The following CTNNA3 variants were observed in gnomAD, a reference collection of about 807,000 sequenced individuals.
CTNNA3 encodes catenin alpha 3.
A neutral mutation model predicts 95.7 loss-of-function variants in CTNNA3; 76 were observed. That is an observed-to-expected ratio of 0.79 (90% CI 0.66 to 0.96). The LOEUF is 0.96. Among genes scored for constraint, CTNNA3 ranks in the 40% least tolerant of loss-of-function variants. CTNNA3 has a pLI of 0.00. For synonymous variants in CTNNA3, 431 were observed against 374.4 expected, an observed-to-expected ratio of 1.15 and a Z score of -1.74; for missense variants, 1,191 against 1,089.8, an observed-to-expected ratio of 1.09 and a Z score of -1.31.
At chr10:66,471,291 A>G (rs1166670826) in intron 11 of CTNNA3, among the ~76,000 whole-genome samples, 2 of 151,844 alleles carry the variant, frequency 1.3e-5, no homozygotes, top group Non-Finnish European at 2.9e-5. Flanking sequence ...ATCAATGCAT[A>G]TCTAGTATTA....
At chr10:66,609,503 C>T (rs1211884856) in intron 10 of CTNNA3, among the ~76,000 whole-genome samples, 1 of 151,398 alleles carries the variant, frequency 6.6e-6, no homozygotes, top group Non-Finnish European at 1.5e-5. Context: ...ATGCAAAACG[C>T]TCAACATCAC....
At chr10:66,677,969 A>T (rs1362076282) in intron 9 of CTNNA3, among the ~76,000 whole-genome samples, 1 of 152,250 alleles carries the variant, frequency 6.6e-6, no homozygotes, top group Admixed American at 6.5e-5. Context: ...TATGTAAAAA[A>T]CAGATATCCC....
chr10:67,637,840 G>GC (rs551176923), intron 2 of CTNNA3, among the ~76,000 whole-genome samples: 20,202 of 152,082 alleles, frequency 0.13, 2,410 homozygotes, highest in African/African-American at 0.32. Context: ...CAACAGGCCT[G>GC]CCTAAAAGAG....
chr10:66,344,096 G>A (rs534901767), intron 12 of CTNNA3, among the ~76,000 whole-genome samples: 72 of 151,068 alleles, frequency 4.8e-4, no homozygotes, highest in Non-Finnish European at 9.3e-4. Context: ...ACGTGGTGGC[G>A]GTTGCCTGTA....
chr10:66,530,837 C>T (rs1841441177), intron 10 of CTNNA3, among the ~76,000 whole-genome samples: 8 of 152,116 alleles, frequency 5.3e-5, no homozygotes. Flanking sequence ...CCAAGCTATC[C>T]TATTCTAGGG....
At chr10:67,217,899 G>T (rs142239699) in intron 6 of CTNNA3, among the ~76,000 whole-genome samples, 1 of 152,160 alleles carries the variant, frequency 6.6e-6, no homozygotes, top group Non-Finnish European at 1.5e-5. Context: ...TGGCACTAGG[G>T]AAAAATTCAG....
intron 16 of CTNNA3, 64 bp from the exon 17 acceptor site, chr10:65,966,810 T>C (rs2077977492): frequency 7.6e-7 from 1 of 1,311,854 alleles, no homozygotes; most frequent in Admixed American, 1.8e-5. Flanking sequence ...TCAAGGTGAG[T>C]AAATACAGTA....
At chr10:66,411,917 C>T (rs767874733) in intron 11 of CTNNA3, among the ~76,000 whole-genome samples, 1 of 152,178 alleles carries the variant, frequency 6.6e-6, no homozygotes, top group African/African-American at 2.4e-5. Flanking sequence ...AATGACATTC[C>T]GAGGAGCTCT....
intron 11 of CTNNA3, among the ~76,000 whole-genome samples, chr10:66,408,833 T>G (rs2093077572): frequency 6.6e-6 from 1 of 152,236 alleles, no homozygotes; most frequent in African/African-American, 2.4e-5. Context: ...TACACTGGAA[T>G]GGAGAGATAT....
At chr10:66,278,614 T>A (rs952528307) in intron 13 of CTNNA3, among the ~76,000 whole-genome samples, 2 of 152,094 alleles carry the variant, frequency 1.3e-5, no homozygotes, top group Non-Finnish European at 2.9e-5. Flanking sequence ...TAAGCTATCT[T>A]GATAATGAGG....
intron 7 of CTNNA3, among the ~76,000 whole-genome samples, chr10:67,067,752 G>GTCATTCATTCATTATTTTAT (rs1856180504): frequency 1.3e-5 from 2 of 152,168 alleles, no homozygotes; most frequent in Non-Finnish European, 2.9e-5. Context: ...CATTTATGCA[G>GTCATTCATTCATTATTTTAT]TCATTCATTC....
chr10:67,015,384 T>C (rs1852594649), intron 7 of CTNNA3: 1 of 152,180 alleles, frequency 6.6e-6, no homozygotes, highest in African/African-American at 2.4e-5. Flanking sequence ...TCCAGGGTTC[T>C]ATATTGTCTA....
chr10:66,515,064 A>T (rs1410851402), intron 11 of CTNNA3, among the ~76,000 whole-genome samples: 1 of 152,136 alleles, frequency 6.6e-6, no homozygotes, highest in Non-Finnish European at 1.5e-5. Flanking sequence ...CATAATTATA[A>T]GCAAATATTT....
intron 5 of CTNNA3, among the ~76,000 whole-genome samples, chr10:67,485,481 G>A (rs1206557962): frequency 6.6e-6 from 1 of 152,056 alleles, no homozygotes; most frequent in African/African-American, 2.4e-5. Context: ...ACCTGCACAT[G>A]TACCCCTTGA....
chr10:67,483,331 G>A (rs1344080526), intron 5 of CTNNA3, among the ~76,000 whole-genome samples: 4 of 141,316 alleles, frequency 2.8e-5, no homozygotes, highest in Non-Finnish European at 4.5e-5. Flanking sequence ...TGTTTATTGC[G>A]GCACTCTTCA....
At chr10:67,210,124 G>A (rs1864079074) in intron 6 of CTNNA3, among the ~76,000 whole-genome samples, 1 of 151,966 alleles carries the variant, frequency 6.6e-6, no homozygotes, top group Admixed American at 6.6e-5. Context: ...TGGCTAACAT[G>A]GTAAAACCCT....
At chr10:66,619,284 C>A (rs2132310075) in intron 10 of CTNNA3, among the ~76,000 whole-genome samples, 1 of 151,484 alleles carries the variant, frequency 6.6e-6, no homozygotes, top group African/African-American at 2.4e-5. Flanking sequence ...CAGCACTATT[C>A]ACAATAGCAA....
At chr10:66,461,949 A>G (rs112456223) in intron 11 of CTNNA3, among the ~76,000 whole-genome samples, 2,438 of 151,052 alleles carry the variant, frequency 0.016, 66 homozygotes, top group African/African-American at 0.057. Context: ...AGTAGCTGGG[A>G]TTACAGGTGC....
intron 1 of CTNNA3, among the ~76,000 whole-genome samples, chr10:67,754,307 G>C (rs986706050): frequency 2.6e-5 from 4 of 152,134 alleles, no homozygotes; most frequent in African/African-American, 7.2e-5. Context: ...AGCCTATCGG[G>C]GGGGCGTTGG....
Sources: allele counts gnomAD v4.1 joint callset (sites outside exome capture counted in the v4.1 genomes callset), GRCh38; gene constraint gnomAD v4.1.1; transcripts MANE v1.5; gene names NCBI Gene and HGNC (gene_info 2026-07-23, HGNC 2026-07-21).